NCOR1: variants seen among roughly 807,000 people sequenced by gnomAD.
NCOR1 encodes nuclear receptor corepressor 1, also known as protein phosphatase 1, regulatory subunit 109.
Under a neutral mutation model 288.1 loss-of-function variants are expected in NCOR1, and 63 were observed. The ratio of observed to expected loss-of-function variants is 0.22; its 90% CI spans 0.18 to 0.27. The LOEUF is 0.27. Ranked by LOEUF, NCOR1 falls within the 10% of genes least tolerant of loss-of-function variation. NCOR1 has a pLI of 1.00. For missense variants in NCOR1, 2,397 were observed against 3,019.2 expected (o/e 0.79, Z 4.83); for synonymous variants, 1,007 against 1,065.9 (o/e 0.94, Z 1.08).
Position 16,033,336 on chromosome 17 carries a change from CAA to C in NCOR1, c.7136-855_7136-854del, listed in dbSNP as rs59285422. Among the ~76,000 whole-genome samples the C allele has an allele frequency of 2.8e-3, 162 of 57,424 alleles. 1 individual carries two copies. The highest frequency in any genetic ancestry group is 7.9e-3 in the African/African-American group (136 of 17,276). 37.7% of individuals were successfully genotyped at this position (57,424 alleles called of 152,430 possible). A position where few individuals can be genotyped will look rare whatever the true frequency, so the allele number is the denominator to read the frequency against. On this transcript the variant is annotated intron_variant, in intron 45 of 45. Coordinates refer to ENST00000268712, the MANE Select transcript of NCOR1 (RefSeq NM_006311.4). ...GGCAACAAGAACGAAACTCCGTCTC[CAA>C]AAAAAAAAAAAAAAAAACCCAAAAA...
rs78035730 is a variant in NCOR1, at chr17:16,169,708, A to G, written c.435+2095T>C. On this transcript the variant is annotated intron_variant, in intron 4 of 45. Coordinates refer to ENST00000268712, the MANE Select transcript of NCOR1 (RefSeq NM_006311.4). ...ATAACATGGAAATGGGTCACACTACAACACAACACGTCCCATTTTAATGAA... is the reference window on the plus strand; with the variant it reads ...ATAACATGGAAATGGGTCACACTACGACACAACACGTCCCATTTTAATGAA... Among the ~76,000 whole-genome samples, 7 of 152,226 alleles carry G rather than the reference A, an allele frequency of 4.6e-5. No homozygotes were observed. The East Asian group carries it at 1.2e-3, about 25-fold the overall frequency.
chr17:16,076,354 T>G (rs932079058), intron 26 of NCOR1, among the ~76,000 whole-genome samples: 1 of 152,226 alleles, frequency 6.6e-6, no homozygotes, highest in Non-Finnish European at 1.5e-5. Flanking sequence ...CAGGAACTGT[T>G]AACAAGCATA....
intron 2 of NCOR1, among the ~76,000 whole-genome samples, chr17:16,191,158 T>C (rs2088181625): frequency 6.6e-6 from 1 of 152,192 alleles, no homozygotes; most frequent in South Asian, 2.1e-4. Flanking sequence ...TTTCTGATGA[T>C]AGAACAATTA....
chr17:16,032,093 C>T lies in NCOR1; in HGVS notation c.*203G>A. The T allele has an allele frequency of 1.8e-6, 1 of 541,896 alleles. No homozygotes were observed. The highest frequency in any genetic ancestry group is 2.7e-5 in the South Asian group (1 of 36,886). The allele number at this position is 541,896 out of a possible 1,614,324, so 33.6% of individuals were successfully genotyped here. A position where few individuals can be genotyped will look rare whatever the true frequency, so the allele number is the denominator to read the frequency against. On this transcript the variant is annotated 3_prime_UTR_variant, in exon 46 of 46. Transcript: ENST00000268712. The stretch of plus-strand genomic sequence containing the variant: ...TTATAGTCCACTGAATTGCCTGTAT[C>T]AAAGGCAGTTTTTTGTTTGTTTTTT...
intron 13 of NCOR1, chr17:16,137,630 T>C (rs1459150015): frequency 3.0e-6 from 1 of 328,632 alleles, no homozygotes; most frequent in East Asian, 4.8e-5. Context: ...ATCCAAATTA[T>C]GTGAAAGATG....
chr17:16,181,172 G>A (rs2085334499), intron 3 of NCOR1, among the ~76,000 whole-genome samples: 1 of 149,384 alleles, frequency 6.7e-6, no homozygotes, highest in East Asian at 2.0e-4. Context: ...AAAAAAGAAA[G>A]AAAGAAAATG....
chr17:16,192,031 TACAAAAAAAAA>T (rs969597970), intron 2 of NCOR1: 2 of 146,530 alleles, frequency 1.4e-5, no homozygotes, highest in Admixed American at 1.4e-4. Context: ...CCACCCAGGT[TACAAAAAAAAA>T]ACAAAAAAAA....
chr17:16,167,738 T>C (rs2082283797), intron 4 of NCOR1, among the ~76,000 whole-genome samples: 1 of 150,798 alleles, frequency 6.6e-6, no homozygotes, highest in Non-Finnish European at 1.5e-5. Flanking sequence ...TGCGAGCCTG[T>C]AATCCCAGCT....
At chr17:16,037,386 C>T (rs986730101) in intron 44 of NCOR1, among the ~76,000 whole-genome samples, 27 of 151,942 alleles carry the variant, frequency 1.8e-4, no homozygotes, top group Admixed American at 1.5e-3. Context: ...ACTTGCTTGA[C>T]ACAGGGTTGC....
intron 17 of NCOR1, among the ~76,000 whole-genome samples, chr17:16,118,298 G>C (rs1382445442): frequency 6.6e-6 from 1 of 152,042 alleles, no homozygotes; most frequent in East Asian, 1.9e-4. Context: ...CACAGGGCTA[G>C]GACAACATTA....
chr17:16,137,410 A>C lies in NCOR1; in HGVS notation c.1410T>G (p.Ser470Arg), dbSNP rs761491439. The change falls in exon 14 of 46, where the codon AGT becomes AGG. Residue 470 changes from serine (S) to arginine (R), a missense_variant and splice_region_variant. Around this residue, in one of 11 missense-constraint regions of NCOR1, gnomAD observed 80 missense variants for 100.3 expected, o/e 0.80. Transcript: ENST00000268712. Reference protein sequence around the residue: ...GLIASYLERKSVPDCVLYYYL... With the variant: ...GLIASYLERKRVPDCVLYYYL... ...AGTAATACAAAACACAATCAGGAAC[A>C]CTCTGTAAGAAATAAAACAATTATT... The C allele has an allele frequency of 1.4e-5, 20 of 1,477,934 alleles. No individual in the cohort carries two copies. The Admixed American group carries it at 2.6e-4, about 19-fold the overall frequency. 91.6% of individuals were successfully genotyped at this position (1,477,934 alleles called of 1,614,324 possible).
intron 3 of NCOR1, among the ~76,000 whole-genome samples, chr17:16,184,898 A>G (rs1452340692): frequency 1.3e-5 from 2 of 151,534 alleles, no homozygotes; most frequent in African/African-American, 2.4e-5. Flanking sequence ...AAAAAATGAG[A>G]TCTTGCCATC....
chr17:16,047,161 A>AT, intron 41 of NCOR1, 68 bp from the exon 42 acceptor site: 1 of 1,477,178 alleles, frequency 6.8e-7, no homozygotes, highest in Non-Finnish European at 9.1e-7. Context: ...CCTATCAATG[A>AT]TAACAACAGT....
chr17:16,137,075 A>G (rs976304469), intron 14 of NCOR1, among the ~76,000 whole-genome samples: 1 of 152,186 alleles, frequency 6.6e-6, no homozygotes, highest in Middle Eastern at 3.2e-3. Flanking sequence ...ACAGAATGGT[A>G]TAAAACTTTT....
chr17:16,144,519 C>T (rs1232107320), intron 10 of NCOR1, among the ~76,000 whole-genome samples: 3 of 152,068 alleles, frequency 2.0e-5, no homozygotes, highest in South Asian at 2.1e-4. Flanking sequence ...GGGGATTTGT[C>T]GTACAGATTA....
chr17:16,126,001 C>T (rs1291368579), intron 15 of NCOR1, 81 bp downstream of exon 15: 2 of 732,522 alleles, frequency 2.7e-6, no homozygotes, highest in Non-Finnish European at 4.1e-6. Context: ...CATGTGACAA[C>T]TGTACTCCCT....
intron 34 of NCOR1, 55 bp downstream of exon 34, chr17:16,064,815 T>C: frequency 6.8e-7 from 1 of 1,464,004 alleles, no homozygotes; most frequent in Non-Finnish European, 9.1e-7. Context: ...GGCTATGTTG[T>C]AAAAATGTAA....
At chr17:16,149,256 T>C (rs867211754) in intron 9 of NCOR1, among the ~76,000 whole-genome samples, 195 bp downstream of exon 9, 1 of 148,940 alleles carries the variant, frequency 6.7e-6, no homozygotes, top group South Asian at 2.1e-4. Context: ...AAATGTAAGG[T>C]ATGGTATCAA....
At chr17:16,128,692 T>C (rs4792723) in intron 14 of NCOR1, among the ~76,000 whole-genome samples, 11,819 of 152,274 alleles carry the variant, frequency 0.078, 680 homozygotes, top group African/African-American at 0.17. Context: ...TACTTGTTTT[T>C]ACCAGACAAT....
Sources: allele counts gnomAD v4.1 joint callset (sites outside exome capture counted in the v4.1 genomes callset), GRCh38; gene constraint gnomAD v4.1.1; regional missense constraint gnomAD v4.1.1; transcripts MANE v1.5; gene names NCBI Gene and HGNC (gene_info 2026-07-23, HGNC 2026-07-21).